Variants in TSPAN7 observed in about 807,000 individuals in gnomAD.
TSPAN7 encodes tetraspanin 7, also known as tetraspanin-7.
TSPAN7 carries 1 observed loss-of-function variant against 17.6 expected under a neutral mutation model. The ratio of observed to expected loss-of-function variants is 0.06; its 90% confidence interval spans 0.02 to 0.27. The LOEUF (loss-of-function observed/expected upper bound fraction) is 0.27, where lower values mean the gene tolerates loss of function less well. TSPAN7 is among the 10% of genes least tolerant of loss of function. The pLI is 1.00. For synonymous variants in TSPAN7, 78 were observed against 79.0 expected (o/e 0.99, Z 0.07); for missense variants, 112 against 201.7 (o/e 0.56, Z 2.69).
At chrX:38,648,731 C>T (rs1383925142) in intron 1 of TSPAN7, among the ~76,000 whole-genome samples, 4 of 111,283 alleles carry the variant, frequency 3.6e-5, no homozygotes, top group African/African-American at 1.3e-4. Flanking sequence ...GGATTACAGG[C>T]GGGAGTCACC....
chrX:38,583,930 T>C (rs2069240984), intron 1 of TSPAN7, among the ~76,000 whole-genome samples: 1 of 107,531 alleles, frequency 9.3e-6, no homozygotes, highest in African/African-American at 3.5e-5. Context: ...ACCTGATTTT[T>C]TTTTCTTTTT....
intron 1 of TSPAN7, among the ~76,000 whole-genome samples, chrX:38,636,865 AG>A (rs1222328429): frequency 9.0e-6 from 1 of 111,038 alleles, no homozygotes; most frequent in East Asian, 2.8e-4. Context: ...TAGTACAAAA[AG>A]GAGGTCTCGA....
intron 2 of TSPAN7, among the ~76,000 whole-genome samples, chrX:38,670,837 A>G (rs766794271): frequency 8.9e-6 from 1 of 112,600 alleles, no homozygotes; most frequent in South Asian, 3.7e-4. Flanking sequence ...AGCAGCACCA[A>G]TGCCAGTGAG....
intron 1 of TSPAN7, among the ~76,000 whole-genome samples, chrX:38,595,660 C>T (rs1008915471): frequency 8.9e-6 from 1 of 112,123 alleles, no homozygotes; most frequent in Non-Finnish European, 1.9e-5. Context: ...GAACAGTCCT[C>T]AAGTAGCATG....
At chrX:38,608,956 C>CT (rs2069401710) in intron 1 of TSPAN7, among the ~76,000 whole-genome samples, 3 of 112,012 alleles carry the variant, frequency 2.7e-5, no homozygotes, top group South Asian at 3.7e-4. Flanking sequence ...AATCAGTGCT[C>CT]TTTTTTGCTA....
Position 38,596,489 on chromosome X carries a change from A to G in TSPAN7, c.81+34862A>G, listed in dbSNP as rs192054794. On this transcript the variant is annotated intron_variant, in intron 1 of 7. Transcript: ENST00000378482. ...TTACTTACTTTTTAGTATCTAATAT[A>G]TAACCTTAAACTGAAGTGCTTTTTA... 1.1e-4 allele frequency among the ~76,000 whole-genome samples: 12 copies of G among 111,836 alleles called. No homozygotes were observed. The East Asian group carries it at 3.4e-3, about 32-fold the overall frequency.
chrX:38,601,724 G>T (rs1244464480), intron 1 of TSPAN7, among the ~76,000 whole-genome samples: 1 of 111,865 alleles, frequency 8.9e-6, no homozygotes, highest in Non-Finnish European at 1.9e-5. Flanking sequence ...AAACTTCGCA[G>T]CTGAAGACAA....
intron 1 of TSPAN7, among the ~76,000 whole-genome samples, chrX:38,585,436 G>A (rs1050556018): frequency 9.0e-6 from 1 of 110,541 alleles, no homozygotes; most frequent in Admixed American, 9.6e-5. Flanking sequence ...TCCCATAAGA[G>A]GCATCTTATT....
intron 4 of TSPAN7, 112 bp from the exon 5 acceptor site, chrX:38,675,593 T>G: frequency 1.1e-6 from 1 of 920,127 alleles, no homozygotes; most frequent in Non-Finnish European, 1.5e-6. Context: ...AAGCTGCACA[T>G]GTTGTCTTAG....
At chrX:38,612,834 C>G (rs1434062132) in intron 1 of TSPAN7, among the ~76,000 whole-genome samples, 1 of 111,441 alleles carries the variant, frequency 9.0e-6, no homozygotes, top group African/African-American at 3.3e-5. Context: ...TGATTCCTGA[C>G]AGGATACTTA....
intron 1 of TSPAN7, among the ~76,000 whole-genome samples, chrX:38,591,683 G>A (rs936180445): frequency 4.5e-5 from 5 of 112,040 alleles, no homozygotes; most frequent in African/African-American, 1.6e-4. Context: ...TTTTGAAGCT[G>A]TTCTGAAGCA....
chrX:38,637,732 C>T (rs766187656), intron 1 of TSPAN7, among the ~76,000 whole-genome samples: 2 of 112,590 alleles, frequency 1.8e-5, no homozygotes, highest in African/African-American at 3.2e-5. Flanking sequence ...CTGTGCCACA[C>T]GGGTGGTCCG....
chrX:38,671,582 C>T (rs1007343938), intron 3 of TSPAN7, 132 bp downstream of exon 3: 1 of 650,778 alleles, frequency 1.5e-6, no homozygotes, highest in Admixed American at 2.4e-5. Flanking sequence ...TTCCAAAGAT[C>T]ATGTCATATG....
chrX:38,670,572 C>T (rs2069814743), intron 2 of TSPAN7, among the ~76,000 whole-genome samples: 1 of 112,624 alleles, frequency 8.9e-6, no homozygotes, highest in South Asian at 3.7e-4. Flanking sequence ...CACAGGAAAG[C>T]TGCAGTGGCT....
At chrX:38,661,023 G>A (rs1012851131) in intron 1 of TSPAN7, among the ~76,000 whole-genome samples, 2 of 111,735 alleles carry the variant, frequency 1.8e-5, no homozygotes, top group Admixed American at 1.9e-4. Flanking sequence ...TGGTCTGCAC[G>A]CACAAAACAG....
chrX:38,605,485 C>T (rs2069374824), intron 1 of TSPAN7, among the ~76,000 whole-genome samples: 1 of 109,667 alleles, frequency 9.1e-6, no homozygotes, highest in East Asian at 2.9e-4. Context: ...GCCATACTGC[C>T]CAAGGTAATT....
At chrX:38,562,565 A>G (rs1299226660) in intron 1 of TSPAN7, among the ~76,000 whole-genome samples, 1 of 52,188 alleles carries the variant, frequency 1.9e-5, no homozygotes, top group African/African-American at 6.7e-5. Context: ...AGGGGGGAGG[A>G]GGAGGAGGGG....
chrX:38,669,919 GGA>G (rs1269261876), intron 2 of TSPAN7, among the ~76,000 whole-genome samples: 1 of 111,671 alleles, frequency 9.0e-6, no homozygotes, highest in African/African-American at 3.3e-5. Context: ...CAGCAAAATG[GGA>G]GAGTCTCACA....
intron 1 of TSPAN7, among the ~76,000 whole-genome samples, chrX:38,650,171 C>G (rs1602113240): frequency 8.9e-6 from 1 of 111,829 alleles, no homozygotes; most frequent in East Asian, 2.8e-4. Context: ...GCTTCCTGTC[C>G]CAGGAAGTGC....
Sources: gnomAD v4.1 joint callset for allele counts (sites outside exome capture counted in the v4.1 genomes callset) on GRCh38, gnomAD v4.1.1 for gene constraint, MANE v1.5 for transcripts, NCBI Gene and HGNC (gene_info 2026-07-23, HGNC 2026-07-21) for gene names.